The following CREB5 variants were observed in gnomAD, a reference collection of about 807,000 sequenced individuals.
CREB5 encodes cAMP responsive element binding protein 5.
A neutral mutation model predicts 57.1 loss-of-function variants in CREB5; 19 were observed. The observed-to-expected ratio is 0.33, with a 90% CI of 0.23 to 0.49. CREB5 has a LOEUF of 0.49. Among genes scored for constraint, CREB5 ranks in the 20% least tolerant of loss-of-function variants. The pLI, the probability that CREB5 is intolerant of heterozygous loss-of-function variation, is 0.99. For synonymous variants in CREB5, 238 were observed against 238.3 expected, an observed-to-expected ratio of 1.00 and a Z score of 0.01; for missense variants, 579 against 671.6, an observed-to-expected ratio of 0.86 and a Z score of 1.52.
At chr7:28,608,605 A>G (rs1421034196) in intron 5 of CREB5, among the ~76,000 whole-genome samples, 1 of 152,054 alleles carries the variant, frequency 6.6e-6, no homozygotes, top group Non-Finnish European at 1.5e-5. Flanking sequence ...CCAGCACAGC[A>G]CATTGAACAG....
At chr7:28,570,304 T>C in intron 4 of CREB5, 61 bp from the exon 5 acceptor site, 8 of 1,544,086 alleles carry the variant, frequency 5.2e-6, no homozygotes, top group Non-Finnish European at 7.0e-6. Context: ...CTTTGAGAGC[T>C]TGAGAGTAGA....
intron 1 of CREB5, among the ~76,000 whole-genome samples, chr7:28,382,754 C>A (rs1297166961): frequency 6.6e-6 from 1 of 151,854 alleles, no homozygotes; most frequent in Admixed American, 6.6e-5. Flanking sequence ...CCCCCTCACC[C>A]CCATCAAACC....
chr7:28,303,746 A>G (rs1158738428), intron 1 of CREB5, among the ~76,000 whole-genome samples: 3 of 152,206 alleles, frequency 2.0e-5, no homozygotes, highest in East Asian at 1.9e-4. Flanking sequence ...AAATATACAC[A>G]TGTACATACA....
At chr7:28,813,702 C>G (rs1809259537) in intron 9 of CREB5, among the ~76,000 whole-genome samples, 1 of 152,108 alleles carries the variant, frequency 6.6e-6, no homozygotes, top group African/African-American at 2.4e-5. Flanking sequence ...GCAAATGTAG[C>G]TATTAGGGAC....
At position 28,724,298 on chromosome 7, in the gene CREB5, C is replaced by G; in HGVS notation, c.668C>G (p.Pro223Arg). The G allele has an allele frequency of 6.2e-7, 1 of 1,613,800 alleles. No individual in the cohort carries two copies. Among genetic ancestry groups the G allele is most frequent in the Non-Finnish European group, 8.5e-7 (1 of 1,179,838 alleles). ...GPNLSNPCAS[P>R]QVQPMHSEAK... Reference sequence around the variant, plus strand: ...AATCTCAGCAACCCCTGTGCTTCTCCCCAGGTCCAGCCAATGCATTCAGAA... The same window carrying G: ...AATCTCAGCAACCCCTGTGCTTCTCGCCAGGTCCAGCCAATGCATTCAGAA... Residue 223 changes from proline to arginine, a missense_variant, in exon 7 of 11, where the codon CCC (proline) becomes CGC (arginine). Pro to Arg is a moderately radical substitution (Grantham distance 103, BLOSUM62 -2). Transcript: ENST00000357727.
intron 7 of CREB5, among the ~76,000 whole-genome samples, chr7:28,740,185 G>A (rs1804254377): frequency 6.6e-6 from 1 of 152,144 alleles, no homozygotes; most frequent in South Asian, 2.1e-4. Context: ...AACATTTCTA[G>A]GTGAACTATG....
intron 5 of CREB5, among the ~76,000 whole-genome samples, chr7:28,695,057 T>C (rs1309538518): frequency 6.6e-6 from 1 of 152,030 alleles, no homozygotes; most frequent in Non-Finnish European, 1.5e-5. Flanking sequence ...AGACCCCATC[T>C]CTACAAAAAA....
At chr7:28,565,961 C>T (rs569038274) in intron 4 of CREB5, among the ~76,000 whole-genome samples, 33 of 152,300 alleles carry the variant, frequency 2.2e-4, no homozygotes, top group African/African-American at 7.5e-4. Flanking sequence ...TGGAGCAACA[C>T]AGACTATGTC....
At chr7:28,735,215 ATTT>A (rs1415830643) in intron 7 of CREB5, among the ~76,000 whole-genome samples, 1 of 151,924 alleles carries the variant, frequency 6.6e-6, no homozygotes, top group Non-Finnish European at 1.5e-5. Context: ...AAGCTTTCTG[ATTT>A]TTATAGTTAT....
chr7:28,655,336 G>C (rs1292234894), intron 5 of CREB5, among the ~76,000 whole-genome samples: 1 of 152,202 alleles, frequency 6.6e-6, no homozygotes, highest in Non-Finnish European at 1.5e-5. Flanking sequence ...GCTGGGCATG[G>C]TGGCTCATGC....
chr7:28,657,497 G>A (rs1583490258), intron 5 of CREB5, among the ~76,000 whole-genome samples: 1 of 152,120 alleles, frequency 6.6e-6, no homozygotes, highest in Non-Finnish European at 1.5e-5. Flanking sequence ...TTGGGAGGCC[G>A]AGGCAGGTGG....
rs1407886750 is a variant in CREB5 at position 28,642,971 on chromosome 7, C to CAT, written c.464+72435_464+72436insTA. 5.4e-3 allele frequency among the ~76,000 whole-genome samples: 436 copies of CAT among 81,162 alleles called. 8 individuals are homozygous for CAT. The highest frequency in any genetic ancestry group is 0.016 in the African/African-American group (379 of 23,766). 53.2% of individuals were successfully genotyped at this position (81,162 alleles called of 152,430 possible). A position where few individuals can be genotyped will look rare whatever the true frequency, so the allele number is the denominator to read the frequency against. On this transcript the variant is annotated intron_variant, in intron 5 of 10. Transcript: ENST00000357727. Reference sequence around the variant, plus strand: ...AGATTTACACACACACACACACACACACACACACACACACATACACACACA... The same window carrying CAT: ...AGATTTACACACACACACACACACACATACACACACACACACATACACACACA...
At chr7:28,587,888 G>A (rs1161520270) in intron 5 of CREB5, among the ~76,000 whole-genome samples, 1 of 152,086 alleles carries the variant, frequency 6.6e-6, no homozygotes, top group Non-Finnish European at 1.5e-5. Context: ...CACAGATTTT[G>A]CCCTTTCCCC....
chr7:28,412,932 T>TACC lies in CREB5; in HGVS notation c.3+16_3+17insCCA. ...TACAGATAATGGTAAGGATGATGTT[T>TACC]ATTATGCATATTAAACAGAGAGAAA... On this transcript the variant is annotated intron_variant, in intron 1 of 10. Coordinates refer to ENST00000357727, the MANE Select transcript of CREB5 (RefSeq NM_182898.4). 3 of 1,449,712 alleles carry TACC rather than the reference T, an allele frequency of 2.1e-6. No homozygotes were observed. The highest frequency in any genetic ancestry group is 2.7e-6 in the Non-Finnish European group (3 of 1,094,012). 89.8% of individuals were successfully genotyped at this position (1,449,712 alleles called of 1,614,324 possible).
intron 1 of CREB5, among the ~76,000 whole-genome samples, chr7:28,327,128 G>A (rs1019691480): frequency 7.6e-6 from 1 of 132,218 alleles, no homozygotes; most frequent in African/African-American, 2.9e-5. Flanking sequence ...CAGCCTGGGC[G>A]ACAGGGTGAG....
chr7:28,401,937 T>C (rs1194775978), intron 1 of CREB5, among the ~76,000 whole-genome samples: 2 of 152,252 alleles, frequency 1.3e-5, no homozygotes, highest in Middle Eastern at 3.2e-3. Context: ...AGTAATGGGA[T>C]GGCTGGGTCA....
At chr7:28,583,043 G>T (rs926297821) in intron 5 of CREB5, among the ~76,000 whole-genome samples, 1 of 152,194 alleles carries the variant, frequency 6.6e-6, no homozygotes, top group African/African-American at 2.4e-5. Flanking sequence ...CTGCCCAGGG[G>T]CTGCCAAGCA....
intron 5 of CREB5, among the ~76,000 whole-genome samples, chr7:28,682,975 G>C (rs1476299153): frequency 1.3e-5 from 2 of 152,146 alleles, no homozygotes; most frequent in East Asian, 3.9e-4. Context: ...GAGTTACACC[G>C]AACAGCTGCG....
chr7:28,326,846 T>C (rs1286630287), intron 1 of CREB5, among the ~76,000 whole-genome samples: 1 of 152,142 alleles, frequency 6.6e-6, no homozygotes, highest in Non-Finnish European at 1.5e-5. Flanking sequence ...GATAAACATA[T>C]AGAAACTGTA....
Sources: allele counts gnomAD v4.1 joint callset (sites outside exome capture counted in the v4.1 genomes callset), GRCh38; gene constraint gnomAD v4.1.1; transcripts MANE v1.5; gene names NCBI Gene and HGNC (gene_info 2026-07-23, HGNC 2026-07-21).